The following ANKFN1 variants were observed in gnomAD, a reference collection of about 807,000 sequenced individuals.
The protein encoded by ANKFN1 is ankyrin repeat and fibronectin type-III domain-containing protein 1.
Under a neutral mutation model 108.7 loss-of-function variants are expected in ANKFN1, and 74 were observed. The observed-to-expected ratio is 0.68, with a 90% CI of 0.56 to 0.83. The LOEUF (loss-of-function observed/expected upper bound fraction) is 0.83, where lower values mean the gene tolerates loss of function less well. Among genes scored for constraint, ANKFN1 ranks in the 40% least tolerant of loss-of-function variants. The pLI is 0.00. For missense variants in ANKFN1, 1,505 were observed against 1,382.3 expected, an observed-to-expected ratio of 1.09 and a Z score of -1.41; for synonymous variants, 547 against 516.2, an observed-to-expected ratio of 1.06 and a Z score of -0.81.
intron 4 of ANKFN1, among the ~76,000 whole-genome samples, chr17:56,130,271 G>C (rs1907199793): frequency 6.6e-6 from 1 of 152,176 alleles, no homozygotes; most frequent in Non-Finnish European, 1.5e-5. Flanking sequence ...GCCCTCGCTG[G>C]CAGTTTTAAG....
chr17:56,208,290 G>A (rs1406716900), intron 1 of ANKFN1, among the ~76,000 whole-genome samples: 2 of 152,164 alleles, frequency 1.3e-5, no homozygotes, highest in Admixed American at 1.3e-4. Flanking sequence ...CAAAGTGCTG[G>A]GATTACAGGC....
In ANKFN1 at chr17:56,352,933, A is replaced by C. The variant is rs1346491837; in HGVS notation, c.391-903A>C. The stretch of plus-strand genomic sequence containing the variant: ...TGCCATGGTCCAGACATGAGATGAC[A>C]ATGTAGAGGCTGGGGATGGAGAGGG... On this transcript the variant is annotated intron_variant, in intron 5 of 20. Transcript: ENST00000682825. Among the ~76,000 whole-genome samples, 16 of 152,286 alleles carry C rather than the reference A, an allele frequency of 1.1e-4. No homozygotes were observed. In the East Asian group the frequency reaches 2.9e-3, roughly 28 times the overall value.
intron 8 of ANKFN1, among the ~76,000 whole-genome samples, chr17:56,419,525 G>T (rs973356125): frequency 6.6e-5 from 10 of 151,560 alleles, no homozygotes; most frequent in Admixed American, 3.3e-4. Context: ...CAAGTATGAT[G>T]GCTCATGCCT....
intron 4 of ANKFN1, among the ~76,000 whole-genome samples, chr17:56,083,749 G>A (rs182206080): frequency 6.6e-6 from 1 of 151,322 alleles, no homozygotes; most frequent in South Asian, 2.1e-4. Flanking sequence ...TAAGGTGGCT[G>A]AGGGAAAATC....
At chr17:56,274,427 C>T (rs545382377) in intron 3 of ANKFN1, among the ~76,000 whole-genome samples, 31 of 152,158 alleles carry the variant, frequency 2.0e-4, no homozygotes, top group Admixed American at 4.6e-4. Flanking sequence ...GAGCTGAGAT[C>T]GCGCCACTAC....
At chr17:56,315,922 C>T (rs928897345) in intron 3 of ANKFN1, among the ~76,000 whole-genome samples, 1 of 152,182 alleles carries the variant, frequency 6.6e-6, no homozygotes, top group African/African-American at 2.4e-5. Context: ...TCAGTCAAGG[C>T]TTCTTAAAAG....
intron 3 of ANKFN1, among the ~76,000 whole-genome samples, chr17:56,306,253 A>G (rs898990737): frequency 6.6e-6 from 1 of 152,232 alleles, no homozygotes; most frequent in Admixed American, 6.5e-5. Context: ...GGGAGAATGG[A>G]CATCTTTACT....
At chr17:56,311,476 C>T (rs1346921896) in intron 3 of ANKFN1, among the ~76,000 whole-genome samples, 2 of 152,160 alleles carry the variant, frequency 1.3e-5, no homozygotes, top group Admixed American at 6.5e-5. Context: ...TACAAACTAC[C>T]CTGAGTACGT....
Position 56,163,319 on chromosome 17 carries a change from G to A in ANKFN1, c.-71+9789G>A, listed in dbSNP as rs555429905. ...AATGACTCATTATTACCTCCACTAC[G>A]CATACAGATTTTCATTTGGACACTA... On this transcript the variant is annotated intron_variant, in intron 1 of 20. Transcript: ENST00000682825. Among the ~76,000 whole-genome samples the A allele has an allele frequency of 3.9e-5, 6 of 152,144 alleles. No homozygotes were observed. In the South Asian group the frequency reaches 1.0e-3, roughly 26 times the overall value.
Position 56,431,982 on chromosome 17 carries a change from AC to A in ANKFN1, c.911-8344del, listed in dbSNP as rs529508047. The stretch of plus-strand genomic sequence containing the variant: ...TGGGTATGGCTCTGCTGAAAACAAA[AC>A]AAAACAAAAATGTCAGAATCCCAGG... On this transcript the variant is annotated intron_variant, in intron 8 of 20. Coordinates refer to ENST00000682825, the MANE Select transcript of ANKFN1 (RefSeq NM_001370326.1). Among the ~76,000 whole-genome samples, 396 of 152,334 alleles carry A rather than the reference AC, an allele frequency of 2.6e-3. 1 individual carries two copies. The highest frequency in any genetic ancestry group is 4.9e-3 in the Non-Finnish European group (330 of 68,034).
At chr17:56,246,877 A>G (rs1917994553) in intron 3 of ANKFN1, among the ~76,000 whole-genome samples, 2 of 152,298 alleles carry the variant, frequency 1.3e-5, no homozygotes, top group Middle Eastern at 3.4e-3. Context: ...AAAGCATTAT[A>G]AAATTCCCAG....
At chr17:56,493,850 T>A (rs2051115423) in intron 19 of ANKFN1, among the ~76,000 whole-genome samples, 1 of 152,138 alleles carries the variant, frequency 6.6e-6, no homozygotes, top group Non-Finnish European at 1.5e-5. Flanking sequence ...GACAATTTGT[T>A]ATGAGGACTT....
intron 4 of ANKFN1, among the ~76,000 whole-genome samples, chr17:56,072,759 C>T (rs1007148212): frequency 6.6e-6 from 1 of 152,044 alleles, no homozygotes; most frequent in African/African-American, 2.4e-5. Context: ...GTGTGTAAGT[C>T]GCAGTTATTA....
chr17:56,327,999 C>T lies in ANKFN1; in HGVS notation c.188+1644C>T, dbSNP rs545389080. Among the ~76,000 whole-genome samples the T allele has an allele frequency of 5.3e-5, 8 of 152,136 alleles. No homozygotes were observed. In the South Asian group the frequency reaches 6.2e-4, roughly 12 times the overall value. ...ACACTCTGAAGGAAGCATGATCACA[C>T]TTAGGGAATTAGAAGAGGAGAATGG... On this transcript the variant is annotated intron_variant, in intron 4 of 20. Coordinates refer to ENST00000682825, the MANE Select transcript of ANKFN1 (RefSeq NM_001370326.1).
intron 6 of ANKFN1, among the ~76,000 whole-genome samples, chr17:56,356,815 C>G (rs898098695): frequency 6.6e-6 from 1 of 152,148 alleles, no homozygotes; most frequent in Non-Finnish European, 1.5e-5. Context: ...GAGCCCCATT[C>G]TACAGGAACA....
chr17:56,460,055 A>AT (rs202035595), intron 14 of ANKFN1, among the ~76,000 whole-genome samples: 244 of 73,738 alleles, frequency 3.3e-3, no homozygotes, highest in Middle Eastern at 0.018. Context: ...ACATTGCCAC[A>AT]TAAAAAAAAA....
At position 56,195,869 on chromosome 17, in the gene ANKFN1, G is replaced by A. The variant is rs140874537; in HGVS notation, c.-70-16729G>A. ...TAAAATAAGGAGAAAAAATAAAAAAGCTCAGGCATAGTATATATATATGCC... is the reference window on the plus strand; with the variant it reads ...TAAAATAAGGAGAAAAAATAAAAAAACTCAGGCATAGTATATATATATGCC... On this transcript the variant is annotated intron_variant, in intron 1 of 20. Transcript: ENST00000682825. 2.6e-5 allele frequency among the ~76,000 whole-genome samples: 4 copies of A among 151,720 alleles called. 1 individual carries two copies. The highest frequency in any genetic ancestry group is 9.7e-5 in the African/African-American group (4 of 41,286).
chr17:56,515,477 G>T lies in ANKFN1; in HGVS notation c.*4208G>T, dbSNP rs1020965649. Among the ~76,000 whole-genome samples the T allele has an allele frequency of 6.6e-6, 1 of 152,174 alleles. No individual in the cohort carries two copies. The highest frequency in any genetic ancestry group is 2.4e-5 in the African/African-American group (1 of 41,444). On this transcript the variant is annotated 3_prime_UTR_variant, in exon 21 of 21. Transcript: ENST00000682825. Reference sequence around the variant, plus strand: ...TGGAAAGCAATGGTATCTCTTCATAGGTAATAGGGTGAGCAAGGAAAAAAA... The same window carrying T: ...TGGAAAGCAATGGTATCTCTTCATATGTAATAGGGTGAGCAAGGAAAAAAA...
chr17:56,130,246 G>C lies in ANKFN1; in HGVS notation c.288+83921G>C, dbSNP rs762502745. Among the ~76,000 whole-genome samples, 4 of 152,202 alleles carry C rather than the reference G, an allele frequency of 2.6e-5. 1 individual carries two copies. Among genetic ancestry groups the C allele is most frequent in the Non-Finnish European group, 5.9e-5 (4 of 68,038 alleles). On this transcript the variant is annotated intron_variant, in intron 4 of 12. Coordinates refer to the ANKFN1 transcript ENST00000635860. ...GGAGGCAGTGATCTGGGCTGTTACAGTAGCTTCCTGGCAGGCCCTCGCTGG... is the reference window on the plus strand; with the variant it reads ...GGAGGCAGTGATCTGGGCTGTTACACTAGCTTCCTGGCAGGCCCTCGCTGG...
Sources: allele counts gnomAD v4.1 joint callset (sites outside exome capture counted in the v4.1 genomes callset), GRCh38; gene constraint gnomAD v4.1.1; transcripts MANE v1.5; gene names NCBI Gene and HGNC (gene_info 2026-07-23, HGNC 2026-07-21).